AATK: variants seen among roughly 807,000 people sequenced by gnomAD.
AATK encodes the protein serine/threonine-protein kinase LMTK1.
In AATK, 91 loss-of-function variants were observed where a neutral mutation model predicts 114.3. That is an observed-to-expected ratio of 0.80 (90% CI 0.67 to 0.95). AATK has a LOEUF of 0.95. Ranked by LOEUF, AATK falls within the 40% of genes least tolerant of loss-of-function variation. The pLI, the probability that AATK is intolerant of heterozygous loss-of-function variation, is 0.00. For missense variants in AATK, 2,176 were observed against 1,965.2 expected, an observed-to-expected ratio of 1.11 and a Z score of -2.03; for synonymous variants, 1,075 against 916.5, an observed-to-expected ratio of 1.17 and a Z score of -3.12.
At chr17:81,120,120 C>T (rs1458785390) in intron 11 of AATK, 37 bp from the exon 12 acceptor site, 1 of 1,474,236 alleles carries the variant, frequency 6.8e-7, no homozygotes, top group Middle Eastern at 1.9e-4. Flanking sequence ...GCTCGGCCGC[C>T]AGGAGCCGCG....
intron 1 of AATK, among the ~76,000 whole-genome samples, chr17:81,137,738 C>G (rs1167442122): frequency 1.3e-5 from 2 of 152,022 alleles, no homozygotes; most frequent in Non-Finnish European, 2.9e-5. Context: ...GCGAAACATA[C>G]ATGCACACGT....
At chr17:81,153,678 A>C (rs915350420) in intron 1 of AATK, among the ~76,000 whole-genome samples, 16 of 152,168 alleles carry the variant, frequency 1.1e-4, no homozygotes, top group Non-Finnish European at 1.9e-4. Context: ...TATGAGGCCC[A>C]TGCGCAATGG....
In AATK at chr17:81,134,499, C is replaced by T. The variant is rs1219006974; in HGVS notation, c.58G>A (p.Gly20Ser). 9.9e-6 allele frequency: 16 copies of T among 1,611,244 alleles called. No homozygotes were observed. Among genetic ancestry groups the T allele is most frequent in the African/African-American group, 2.7e-5 (2 of 74,932 alleles). ...FAFSSHFDPD[G>S]APLSELSWPS... ...CAGGACAGCTCGCTGAGCGGGGCGCCGTCTGCGGGAGAGCAGTGTGGTGAG... is the reference window on the plus strand; with the variant it reads ...CAGGACAGCTCGCTGAGCGGGGCGCTGTCTGCGGGAGAGCAGTGTGGTGAG... Residue 20 changes from glycine to serine, a missense_variant and splice_region_variant, in exon 2 of 14, where the codon GGC becomes AGC. This residue lies in a region of AATK where 178 missense variants were observed against 175.4 expected (regional missense o/e 1.01). Coordinates refer to ENST00000326724, the MANE Select transcript of AATK (RefSeq NM_001080395.3).
At chr17:81,132,784 C>A (rs1162008415) in intron 2 of AATK, 1 of 223,244 alleles carries the variant, frequency 4.5e-6, no homozygotes, top group African/African-American at 2.4e-5. Flanking sequence ...GCGCAGGTCC[C>A]CAAATCCCAG....
In AATK at chr17:81,120,800, C is replaced by T. The variant is rs1182310607; in HGVS notation, c.3136G>A (p.Glu1046Lys). The change falls in exon 11 of 14, where the codon GAG (glutamate) becomes AAG (lysine). Residue 1046 changes from glutamate (E) to lysine (K), a missense_variant. By Grantham distance (56) the Glu-to-Lys change is moderately conservative. Coordinates refer to ENST00000326724, the MANE Select transcript of AATK (RefSeq NM_001080395.3). ...QVCLRPGVSGEAQGSGPGEVL... is the reference protein window; with the variant it reads ...QVCLRPGVSGKAQGSGPGEVL... ...TCCCCGGGGCCAGAGCCTTGTGCCT[C>T]CCCGGAAACCCCAGGCCTGAGACAG... 1 of 1,569,040 alleles carries T rather than the reference C, an allele frequency of 6.4e-7. No individual in the cohort carries two copies. Among genetic ancestry groups the T allele is most frequent in the Non-Finnish European group, 8.6e-7 (1 of 1,157,678 alleles).
intron 1 of AATK, among the ~76,000 whole-genome samples, chr17:81,138,304 TATC>T (rs1450365504): frequency 8.7e-6 from 1 of 114,982 alleles, no homozygotes; most frequent in East Asian, 2.8e-4. Flanking sequence ...TGTGCACACA[TATC>T]CACACACGTG....
At position 81,121,566 on chromosome 17, in the gene AATK, G is replaced by T; in HGVS notation, c.2370C>A (p.Thr790=). The T allele has an allele frequency of 2.0e-6, 3 of 1,515,748 alleles. No homozygotes were observed. The highest frequency in any genetic ancestry group is 2.6e-6 in the Non-Finnish European group (3 of 1,132,212). The allele number at this position is 1,515,748 out of a possible 1,614,324, so 93.9% of individuals were successfully genotyped here. A position where few individuals can be genotyped will look rare whatever the true frequency, so the allele number is the denominator to read the frequency against. ...CGGAAGGAAGGGGCAGGCGGGGTCC[G>T]GTAGTGCCCTCAGCCTCCGTGGCAA... ...PKLATEAEGT[T]GPRLPLPSVP... The change falls in exon 11 of 14, where the codon ACC becomes ACA. Residue 790 remains threonine, a synonymous_variant. Transcript: ENST00000326724.
chr17:81,126,308 A>C lies in AATK; in HGVS notation c.755+119T>G. 1 of 1,282,792 alleles carries C rather than the reference A, an allele frequency of 7.8e-7. No homozygotes were observed. Among genetic ancestry groups the C allele is most frequent in the Non-Finnish European group, 1.0e-6 (1 of 952,458 alleles). The allele number at this position is 1,282,792 out of a possible 1,614,324, so 79.5% of individuals were successfully genotyped here. On this transcript the variant is annotated intron_variant, in intron 7 of 13. Transcript: ENST00000326724. This position sits in a 1 kb window ranked among gnomAD's most constrained non-coding sequence, Gnocchi z 5.1. ...CTGCATAGTGGTTGTCTGATGCTGC[A>C]TGAGATGAACCTGGCCGGTCCTCGC...
At chr17:81,133,884 G>C (rs2060972353) in intron 2 of AATK, among the ~76,000 whole-genome samples, 1 of 152,194 alleles carries the variant, frequency 6.6e-6, no homozygotes, top group Admixed American at 6.5e-5. Context: ...CCCCGCGCAA[G>C]GTGACTCCAA....
intron 1 of AATK, among the ~76,000 whole-genome samples, chr17:81,138,504 CAG>C (rs1406137599): frequency 4.8e-5 from 7 of 147,254 alleles, no homozygotes; most frequent in Non-Finnish European, 7.5e-5. Flanking sequence ...CACCCTCGTG[CAG>C]ACACAATGCA....
At chr17:81,148,198 T>C (rs1035013271) in intron 1 of AATK, among the ~76,000 whole-genome samples, 9 of 152,048 alleles carry the variant, frequency 5.9e-5, no homozygotes, top group African/African-American at 2.2e-4. Context: ...ACAACAAGCA[T>C]GCACTGCATT....
intron 10 of AATK, 150 bp from the exon 11 acceptor site, chr17:81,122,973 A>G: frequency 1.0e-6 from 1 of 975,596 alleles, no homozygotes; most frequent in Non-Finnish European, 1.4e-6. Context: ...CTGCCAAGGC[A>G]AGCCCAGCAG....
chr17:81,131,095 G>A lies in AATK; in HGVS notation c.300C>T (p.Val100=), dbSNP rs1042002992. The A allele has an allele frequency of 6.4e-7, 1 of 1,557,234 alleles. No individual in the cohort carries two copies. The highest frequency in any genetic ancestry group is 1.4e-5 in the African/African-American group (1 of 73,406). The stretch of plus-strand genomic sequence containing the variant: ...CAGGCTGCTTGGCCATGGGCAAGGA[G>A]ACCTCCGTGAGTGGCAGGACGTACA... ...PDVYVLPLTE[V]SLPMAKQPGR... is the part of the protein sequence containing the mutation. Residue 100 remains valine, a synonymous_variant, in exon 3 of 14, where the codon GTC becomes GTT. Transcript: ENST00000326724.
At chr17:81,140,276 G>A (rs566303805) in intron 1 of AATK, among the ~76,000 whole-genome samples, 22 of 152,276 alleles carry the variant, frequency 1.4e-4, no homozygotes, top group African/African-American at 5.1e-4. Flanking sequence ...TGCTTTTTTC[G>A]TATCAGTGCT....
At chr17:81,160,387 C>T (rs1202589640) in intron 1 of AATK, 2 of 277,832 alleles carry the variant, frequency 7.2e-6, no homozygotes, top group African/African-American at 2.3e-5. Context: ...GGAGACCCGG[C>T]GAGGACGCCG....
intron 4 of AATK, 132 bp downstream of exon 4, chr17:81,128,338 G>A: frequency 8.8e-7 from 1 of 1,140,578 alleles, no homozygotes; most frequent in Non-Finnish European, 1.3e-6. Context: ...CCCTGGGGAA[G>A]GGTCCAGCAG....
chr17:81,137,726 ACG>A (rs1431031224), intron 1 of AATK, among the ~76,000 whole-genome samples: 3 of 151,404 alleles, frequency 2.0e-5, no homozygotes, highest in African/African-American at 7.3e-5. Flanking sequence ...CCTCATGACA[ACG>A]CGAAACATAC....
chr17:81,143,549 C>T (rs1274318439), intron 1 of AATK, among the ~76,000 whole-genome samples: 3 of 141,908 alleles, frequency 2.1e-5, no homozygotes, highest in Non-Finnish European at 4.8e-5. Context: ...CCCGTGTCCA[C>T]GCAGCCCCAA....
At chr17:81,139,323 C>T (rs1012012595) in intron 1 of AATK, among the ~76,000 whole-genome samples, 4 of 152,200 alleles carry the variant, frequency 2.6e-5, no homozygotes, top group East Asian at 1.9e-4. Context: ...GGTGGGGAGG[C>T]CTCTGTAGGG....
Sources: gnomAD v4.1 joint callset for allele counts (sites outside exome capture counted in the v4.1 genomes callset) on GRCh38, gnomAD v4.1.1 for gene constraint, gnomAD v4.1.1 regional missense constraint, Gnocchi (gnomAD v3.1) non-coding constraint, MANE v1.5 for transcripts, NCBI Gene and HGNC (gene_info 2026-07-23, HGNC 2026-07-21) for gene names.